Variants in VDAC1 observed in about 807,000 individuals in gnomAD.
The protein encoded by VDAC1 is non-selective voltage-gated ion channel VDAC1.
A neutral mutation model predicts 34.7 loss-of-function variants in VDAC1; 10 were observed. That is an observed-to-expected ratio of 0.29 (90% confidence interval 0.18 to 0.49). The LOEUF is 0.49. VDAC1 is among the 20% of genes least tolerant of loss of function. The pLI is 0.99. For missense variants in VDAC1, 230 were observed against 347.9 expected, an observed-to-expected ratio of 0.66 and a Z score of 2.69; for synonymous variants, 130 against 136.0, an observed-to-expected ratio of 0.96 and a Z score of 0.30.
the VDAC1 span, among the ~76,000 whole-genome samples, chr5:134,061,863 T>TA: frequency 6.6e-6 from 1 of 151,876 alleles, no homozygotes; most frequent in Non-Finnish European, 1.5e-5. Flanking sequence ...CGGAAATGCT[T>TA]AAAATATTTT....
chr5:134,073,128 C>G, the VDAC1 span, among the ~76,000 whole-genome samples: 1 of 152,194 alleles, frequency 6.6e-6, no homozygotes, highest in South Asian at 2.1e-4. Context: ...GACCTCTGGA[C>G]CCATCACCAG....
At chr5:134,031,112 G>T in the VDAC1 span, among the ~76,000 whole-genome samples, 5 of 152,134 alleles carry the variant, frequency 3.3e-5, no homozygotes, top group Non-Finnish European at 7.4e-5. Flanking sequence ...TGACCACCTG[G>T]TGTGGGGATC....
chr5:134,054,961 C>T, the VDAC1 span, among the ~76,000 whole-genome samples: 1 of 152,192 alleles, frequency 6.6e-6, no homozygotes, highest in African/African-American at 2.4e-5. Context: ...AGGTCCGTCC[C>T]CACCCAGTGT....
the VDAC1 span, among the ~76,000 whole-genome samples, chr5:134,078,631 G>A: frequency 8.3e-5 from 12 of 144,518 alleles, no homozygotes; most frequent in African/African-American, 3.1e-4. Flanking sequence ...CATTTGTGAT[G>A]TCGTCCCTCA....
intron 5 of VDAC1, among the ~76,000 whole-genome samples, chr5:133,985,531 G>A (rs554622725): frequency 1.5e-4 from 23 of 152,330 alleles, no homozygotes; most frequent in East Asian, 1.9e-4. Flanking sequence ...GCATGTGCCT[G>A]TAATCCCAGC....
At chr5:134,064,285 GATT>G in the VDAC1 span, among the ~76,000 whole-genome samples, 1 of 151,828 alleles carries the variant, frequency 6.6e-6, no homozygotes, top group Admixed American at 6.6e-5. Flanking sequence ...CCAGCTGACT[GATT>G]ATTGTTTTTT....
chr5:134,000,744 C>T (rs1406744535), intron 1 of VDAC1, among the ~76,000 whole-genome samples: 1 of 152,100 alleles, frequency 6.6e-6, no homozygotes, highest in African/African-American at 2.4e-5. Flanking sequence ...TGAATTAGCT[C>T]GTTAATATAC....
the VDAC1 span, among the ~76,000 whole-genome samples, chr5:134,041,659 G>A: frequency 6.6e-6 from 1 of 152,292 alleles, no homozygotes; most frequent in East Asian, 1.9e-4. Context: ...AGAAACGCAG[G>A]CCTTGCCTAA....
the VDAC1 span, among the ~76,000 whole-genome samples, chr5:134,094,573 T>C: frequency 6.6e-6 from 1 of 151,840 alleles, no homozygotes; most frequent in African/African-American, 2.4e-5. Context: ...GGCGGACGCC[T>C]GTAGTCCCAG....
chr5:133,973,824 T>A lies in VDAC1; in HGVS notation c.727A>T (p.Ile243Leu). 3 of 1,613,276 alleles carry A rather than the reference T, an allele frequency of 1.9e-6. No homozygotes were observed. The highest frequency in any genetic ancestry group is 2.5e-6 in the Non-Finnish European group (3 of 1,179,936). ...FSAKVNNSSL[I>L]GLGYTQTLKP... is the part of the protein sequence containing the mutation. Reference sequence around the variant, plus strand: ...AGAGTCTGAGTGTATCCTAAACCTATCAGGCTGGAGTTGTTCACTTTAGCC... The same window carrying A: ...AGAGTCTGAGTGTATCCTAAACCTAACAGGCTGGAGTTGTTCACTTTAGCC... The change falls in exon 8 of 9, where the codon ATA becomes TTA. Residue 243 changes from isoleucine (I) to leucine (L), a missense_variant. Transcript: ENST00000265333.
the VDAC1 span, among the ~76,000 whole-genome samples, chr5:134,033,881 A>G: frequency 2.0e-5 from 3 of 151,942 alleles, no homozygotes; most frequent in East Asian, 5.8e-4. Context: ...AGTCCCAGCT[A>G]CTTGGGAGGC....
At chr5:134,085,719 T>G in the VDAC1 span, among the ~76,000 whole-genome samples, 1 of 22,492 alleles carries the variant, frequency 4.4e-5, no homozygotes, top group Non-Finnish European at 1.1e-4. Context: ...AAGACCCCAT[T>G]TCTAAAAAAA....
In VDAC1 at chr5:133,980,818, C is replaced by T. The variant is rs764791903; in HGVS notation, c.462G>A (p.Gln154=). ...GGGATTTTGCAGTCTCAAAATTCAT[C>T]TGGTAGCCGGCCAGCCAGCCCTCGT... ...LGYEGWLAGY[Q]MNFETAKSRV... is the part of the protein sequence containing the mutation. Residue 154 remains glutamine (Q), a synonymous_variant, in exon 6 of 9, where the codon CAG becomes CAA. Transcript: ENST00000265333. 6 of 1,611,550 alleles carry T rather than the reference C, an allele frequency of 3.7e-6. No individual in the cohort carries two copies. In the South Asian group the frequency reaches 6.6e-5, roughly 18 times the overall value.
the VDAC1 span, among the ~76,000 whole-genome samples, chr5:134,081,288 C>A: frequency 6.6e-6 from 1 of 152,136 alleles, no homozygotes; most frequent in African/African-American, 2.4e-5. Flanking sequence ...CTGCCCGCCT[C>A]GGCCTCCCAA....
At chr5:134,084,813 T>C in the VDAC1 span, among the ~76,000 whole-genome samples, 1 of 152,256 alleles carries the variant, frequency 6.6e-6, no homozygotes, top group Admixed American at 6.5e-5. Context: ...ATAACAGAAC[T>C]ATGAACTGTC....
upstream of VDAC1, among the ~76,000 whole-genome samples, chr5:134,007,218 T>C (rs929976168): frequency 6.9e-6 from 1 of 144,726 alleles, no homozygotes; most frequent in Non-Finnish European, 1.5e-5. Context: ...CACTCCAGTC[T>C]GGGCAACAAG....
chr5:134,013,217 C>T, the VDAC1 span, among the ~76,000 whole-genome samples: 1 of 152,106 alleles, frequency 6.6e-6, no homozygotes, highest in Non-Finnish European at 1.5e-5. Flanking sequence ...TCCTCCAAAG[C>T]AGTTACAGCA....
At chr5:134,046,424 GC>G in the VDAC1 span, among the ~76,000 whole-genome samples, 27 of 152,248 alleles carry the variant, frequency 1.8e-4, no homozygotes, top group South Asian at 5.2e-3. Context: ...GCCTGCCTCA[GC>G]CTCCCAAAGT....
At chr5:134,049,724 C>T in the VDAC1 span, among the ~76,000 whole-genome samples, 47 of 152,196 alleles carry the variant, frequency 3.1e-4, no homozygotes, top group African/African-American at 9.4e-4. Flanking sequence ...GGAATACAGG[C>T]GCCCACCACC....
Sources: allele counts gnomAD v4.1 joint callset (sites outside exome capture counted in the v4.1 genomes callset), GRCh38; gene constraint gnomAD v4.1.1; transcripts MANE v1.5; gene names NCBI Gene and HGNC (gene_info 2026-07-23, HGNC 2026-07-21).